The following VSIG10L variants were observed in gnomAD, a reference collection of about 807,000 sequenced individuals.
VSIG10L encodes the protein V-set and immunoglobulin domain containing 10 like.
Under a neutral mutation model 67.3 loss-of-function variants are expected in VSIG10L, and 63 were observed. The ratio of observed to expected loss-of-function variants is 0.94; its 90% CI spans 0.76 to 1.15. The LOEUF is 1.15. VSIG10L is among the 50% of genes most tolerant of loss of function. The pLI is 0.00. For synonymous variants in VSIG10L, 499 were observed against 524.9 expected (o/e 0.95, Z 0.67); for missense variants, 1,050 against 1,177.5 (o/e 0.89, Z 1.58).
chr19:51,336,654 G>A (rs1169106113), intron 7 of VSIG10L, among the ~76,000 whole-genome samples: 5 of 152,098 alleles, frequency 3.3e-5, no homozygotes, highest in African/African-American at 1.2e-4. Flanking sequence ...TGATGCAGCT[G>A]CAAGTCCAGG....
chr19:51,340,509 G>A lies in VSIG10L; in HGVS notation c.1113C>T (p.Ser371=), dbSNP rs1234933093. 1.3e-6 allele frequency: 2 copies of A among 1,531,396 alleles called. No homozygotes were observed. The highest frequency in any genetic ancestry group is 1.2e-5 in the South Asian group (1 of 83,716). The allele number at this position is 1,531,396 out of a possible 1,614,324, so 94.9% of individuals were successfully genotyped here. ...CGCGGCAAGTGTACCGGGCGTGGTC[G>A]CTGCGCACAGGGCGCACGATGAGCA... ...DQLLIVRPVR[S]DHARYTCRVR... Residue 371 remains serine (S), a synonymous_variant, in exon 3 of 10, where the codon AGC becomes AGT. Transcript: ENST00000335624. The surrounding 1 kb of genome is among the most constrained non-coding windows in gnomAD (Gnocchi z 6.3).
rs769584741 is a variant in VSIG10L at position 51,341,493 on chromosome 19, G to T, written c.555C>A (p.Thr185=). The change falls in exon 2 of 10, where the codon ACC becomes ACA. Residue 185 remains threonine (T), a synonymous_variant. Transcript: ENST00000335624. ...GCTGGGGAAAGCTTGCAGCTGAGTG[G>T]GTCTCTGCAGAAAATTTGGATTCAG... is the stretch of plus-strand genomic sequence containing the variant. ...QSPESKFSAE[T]HSAASFPQQV... is the part of the protein sequence containing the mutation. 5.7e-5 allele frequency: 88 copies of T among 1,550,554 alleles called. No individual in the cohort carries two copies. The highest frequency in any genetic ancestry group is 7.2e-5 in the Non-Finnish European group (83 of 1,146,556).
At chr19:51,339,993 T>G in intron 4 of VSIG10L, 22 bp downstream of exon 4, 1 of 1,288,074 alleles carries the variant, frequency 7.8e-7, no homozygotes, top group Admixed American at 3.9e-5. Context: ...GGCATTCCCC[T>G]ACTCCCGCTC....
chr19:51,340,213 A>G lies in VSIG10L; in HGVS notation c.1276T>C (p.Leu426=). 1 of 1,491,700 alleles carries G rather than the reference A, an allele frequency of 6.7e-7. No homozygotes were observed. 92.4% of individuals were successfully genotyped at this position (1,491,700 alleles called of 1,614,324 possible). A position where few individuals can be genotyped will look rare whatever the true frequency, so the allele number is the denominator to read the frequency against. The change falls in exon 4 of 10, where the codon TTG becomes CTG. Residue 426 remains leucine (L), a synonymous_variant. Coordinates refer to ENST00000335624, the MANE Select transcript of VSIG10L (RefSeq NM_001163922.3). This position sits in a 1 kb window ranked among gnomAD's most constrained non-coding sequence, Gnocchi z 6.3. The part of the protein sequence containing the change: ...RFVTAGSNVT[L]RCAAASRPPA... ...GGCCGCGAGGCGGCGGCGCAGCGCAAGGTCACGTTACTGCCCGCGGTGACA... is the reference window on the plus strand; with the variant it reads ...GGCCGCGAGGCGGCGGCGCAGCGCAGGGTCACGTTACTGCCCGCGGTGACA...
intron 9 of VSIG10L, among the ~76,000 whole-genome samples, chr19:51,333,024 A>T (rs1486390438): frequency 6.6e-6 from 1 of 151,980 alleles, no homozygotes; most frequent in Non-Finnish European, 1.5e-5. Context: ...TAATTTTAAA[A>T]TTTTTTGTAG....
At chr19:51,332,822 C>T (rs758794222) in intron 9 of VSIG10L, among the ~76,000 whole-genome samples, 182 bp from the exon 10 acceptor site, 1 of 152,046 alleles carries the variant, frequency 6.6e-6, no homozygotes, top group Non-Finnish European at 1.5e-5. Context: ...AGCCAACAAC[C>T]CAACCCAGTT....
In VSIG10L at chr19:51,341,201, G is replaced by C. The variant is rs774373557; in HGVS notation, c.847C>G (p.Arg283Gly). The change falls in exon 2 of 10, where the codon CGG becomes GGG. Residue 283 changes from arginine to glycine, a missense_variant. Arg to Gly is a moderately radical substitution (Grantham distance 125). This residue lies in a region of VSIG10L where 511 missense variants were observed against 557.9 expected (regional missense o/e 0.92). Transcript: ENST00000335624. ...TGAGTCTGCTGGGAGACCCCTGCCC[G>C]GATGACCTCAGCCGTGTAGACCCCT... ...DAGVYTAEVI[R>G]AGVSQQTHEF... 1 of 1,544,728 alleles carries C rather than the reference G, an allele frequency of 6.5e-7. No individual in the cohort carries two copies.
In VSIG10L at chr19:51,340,882, C is replaced by T. The variant is rs528739948; in HGVS notation, c.896-156G>A. Among the ~76,000 whole-genome samples, 7 of 152,172 alleles carry T rather than the reference C, an allele frequency of 4.6e-5. No homozygotes were observed. Among genetic ancestry groups the T allele is most frequent in the Admixed American group, 2.0e-4 (3 of 15,286 alleles). On this transcript the variant is annotated intron_variant, in intron 2 of 9. Transcript: ENST00000335624. This position sits in a 1 kb window ranked among gnomAD's most constrained non-coding sequence, Gnocchi z 6.3. ...ACCTATGAGTTTGAGCCCCCAGACA[C>T]CTCCTCTCCGGGACCCAGGAGTTCG...
At chr19:51,339,971 G>A in intron 4 of VSIG10L, 44 bp downstream of exon 4, 1 of 1,007,708 alleles carries the variant, frequency 9.9e-7, no homozygotes, top group Non-Finnish European at 1.2e-6. Flanking sequence ...TTCTGGCCCC[G>A]CCCCTCTCCC....
At chr19:51,338,777 C>T in intron 5 of VSIG10L, 111 bp downstream of exon 5, 1 of 1,206,654 alleles carries the variant, frequency 8.3e-7, no homozygotes. Context: ...GAAGTCCTGC[C>T]TCTTTCTTGG....
rs543107424 is a variant in VSIG10L, at chr19:51,340,806, T to C, written c.896-80A>G. ...TCCCCTTAGAGGGAACCCCAGCCGC[T>C]GCTCCCTCTAAGCCCCTGGAGTCTC... On this transcript the variant is annotated intron_variant, in intron 2 of 9. Transcript: ENST00000335624. The surrounding 1 kb of genome is among the most constrained non-coding windows in gnomAD (Gnocchi z 6.3). 1 of 1,395,664 alleles carries C rather than the reference T, an allele frequency of 7.2e-7. No homozygotes were observed. Among genetic ancestry groups the C allele is most frequent in the Admixed American group, 2.9e-5 (1 of 34,522 alleles). The allele number at this position is 1,395,664 out of a possible 1,614,324, so 86.5% of individuals were successfully genotyped here. A position where few individuals can be genotyped will look rare whatever the true frequency, so the allele number is the denominator to read the frequency against.
At chr19:51,333,478 G>A (rs1329117539) in intron 9 of VSIG10L, among the ~76,000 whole-genome samples, 1 of 151,056 alleles carries the variant, frequency 6.6e-6, no homozygotes, top group Non-Finnish European at 1.5e-5. Context: ...GCAGTGAGTC[G>A]AGATTGCACC....
intron 7 of VSIG10L, 26 bp downstream of exon 7, chr19:51,337,212 G>A (rs982388755): frequency 2.4e-5 from 37 of 1,529,170 alleles, no homozygotes; most frequent in Middle Eastern, 4.5e-4. Flanking sequence ...CAACAGAGAA[G>A]GTCTACTCTG....
intron 9 of VSIG10L, among the ~76,000 whole-genome samples, chr19:51,333,482 T>C (rs1023079540): frequency 2.6e-5 from 4 of 151,300 alleles, no homozygotes; most frequent in African/African-American, 9.7e-5. Context: ...TGAGTCGAGA[T>C]TGCACCACTG....
In VSIG10L at chr19:51,333,797, G is replaced by T; in HGVS notation, c.2568C>A (p.Ala856=). 1 of 1,544,296 alleles carries T rather than the reference G, an allele frequency of 6.5e-7. No homozygotes were observed. The highest frequency in any genetic ancestry group is 2.4e-5 in the East Asian group (1 of 40,848). Residue 856 remains alanine (A), a synonymous_variant, in exon 9 of 10, where the codon GCC becomes GCA. Coordinates refer to ENST00000335624, the MANE Select transcript of VSIG10L (RefSeq NM_001163922.3). The part of the protein sequence containing the change: ...VPLEDHSSTR[A]YQAQTPVQLS... ...TGAGGGCACCCACACTCACTTGGTA[G>T]GCCCTAGTTGAGCTGTGGTCCTCCA...
chr19:51,337,367 G>T lies in VSIG10L; in HGVS notation c.2176C>A (p.Leu726Met). ...ACGGCTGACCGCTCCTGAGGCCCCA[G>T]GATGAGCAGGGAGACCCAGTCCCTG... ...TYRDWVSLLI[L>M]GPQERSAVVP... is the part of the protein sequence containing the mutation. Residue 726 changes from leucine (L) to methionine (M), a missense_variant, in exon 7 of 10, where the codon CTG becomes ATG. Physicochemically the swap from Leu to Met is conservative, Grantham distance 15. Coordinates refer to ENST00000335624, the MANE Select transcript of VSIG10L (RefSeq NM_001163922.3). The T allele has an allele frequency of 1.3e-6, 2 of 1,551,722 alleles. No homozygotes were observed. The highest frequency in any genetic ancestry group is 8.7e-7 in the Non-Finnish European group (1 of 1,146,996).
rs1230046018 is a variant in VSIG10L, at chr19:51,339,026, G to A, written c.1591C>T (p.Leu531Phe). The change falls in exon 5 of 10, where the codon CTC becomes TTC. Residue 531 changes from leucine (L) to phenylalanine (F), a missense_variant. Leu to Phe is a conservative substitution (Grantham distance 22). This residue lies in a region of VSIG10L where 529 missense variants were observed against 584.9 expected (regional missense o/e 0.90). Transcript: ENST00000335624. ...APAASLQFQG[L>F]PEGIRAGPVS... is the part of the protein sequence containing the mutation. ...GGCCCGGCGCGGATGCCTTCGGGGA[G>A]ACCCTGGAACTGCAGGGAGGCAGCA... 2.2e-6 allele frequency: 3 copies of A among 1,390,126 alleles called. No homozygotes were observed. The highest frequency in any genetic ancestry group is 2.8e-6 in the Non-Finnish European group (3 of 1,066,510). The allele number at this position is 1,390,126 out of a possible 1,614,324, so 86.1% of individuals were successfully genotyped here.
chr19:51,337,148 T>TCAAGCCA, intron 7 of VSIG10L, 90 bp downstream of exon 7: 1 of 1,406,870 alleles, frequency 7.1e-7, no homozygotes, highest in Non-Finnish European at 9.5e-7. Flanking sequence ...TTCATGGTAC[T>TCAAGCCA]TTGTTAGGGC....
chr19:51,341,759 C>T lies in VSIG10L; in HGVS notation c.289G>A (p.Val97Ile), dbSNP rs1380733855. Reference protein sequence around the residue: ...SNMSGSFWSNVSAEGQDLSPV... With the variant: ...SNMSGSFWSNISAEGQDLSPV... ...CTCAAATCTTGGCCCTCAGCAGAAA[C>T]ATTTGACCAGAAGGACCCAGACATG... Residue 97 changes from valine to isoleucine, a missense_variant, in exon 2 of 10, where the codon GTT (valine) becomes ATT (isoleucine). Coordinates refer to ENST00000335624, the MANE Select transcript of VSIG10L (RefSeq NM_001163922.3). The T allele has an allele frequency of 5.8e-6, 9 of 1,551,510 alleles. No homozygotes were observed. Among genetic ancestry groups the T allele is most frequent in the Middle Eastern group, 1.7e-4 (1 of 6,012 alleles).
Sources: gnomAD v4.1 joint callset for allele counts (sites outside exome capture counted in the v4.1 genomes callset) on GRCh38, gnomAD v4.1.1 for gene constraint, gnomAD v4.1.1 regional missense constraint, Gnocchi (gnomAD v3.1) non-coding constraint, MANE v1.5 for transcripts, NCBI Gene and HGNC (gene_info 2026-07-23, HGNC 2026-07-21) for gene names.